Variants in HPSE observed in about 807,000 individuals in gnomAD.
HPSE encodes heparanase, also known as endo-glucoronidase.
Under a neutral mutation model 65.1 loss-of-function variants are expected in HPSE, and 48 were observed. The observed-to-expected ratio is 0.74, with a 90% confidence interval of 0.58 to 0.94. HPSE has a LOEUF of 0.94. Ranked by LOEUF, HPSE falls within the 40% of genes least tolerant of loss-of-function variation. The pLI is 0.00. For synonymous variants in HPSE, 243 were observed against 260.0 expected (o/e 0.93, Z 0.63); for missense variants, 644 against 637.5 (o/e 1.01, Z -0.11).
chr4:83,315,800 A>G (rs943044368), intron 3 of HPSE, among the ~76,000 whole-genome samples: 2 of 152,218 alleles, frequency 1.3e-5, no homozygotes, highest in African/African-American at 2.4e-5. Context: ...CCTTACAGCT[A>G]AATAGCACTT....
chr4:83,312,839 T>G, intron 4 of HPSE, among the ~76,000 whole-genome samples: 1 of 19,316 alleles, frequency 5.2e-5, no homozygotes, highest in African/African-American at 2.6e-4. Context: ...CTACTAAAAA[T>G]GCAAAAAAAA....
chr4:83,317,713 C>T (rs902341013), intron 3 of HPSE, among the ~76,000 whole-genome samples: 4 of 152,054 alleles, frequency 2.6e-5, no homozygotes, highest in Non-Finnish European at 4.4e-5. Flanking sequence ...TTTAATGCGA[C>T]CCCCCAAGAC....
At chr4:83,324,767 G>T (rs921455447) in intron 1 of HPSE, among the ~76,000 whole-genome samples, 2 of 152,154 alleles carry the variant, frequency 1.3e-5, no homozygotes, top group Admixed American at 1.3e-4. Flanking sequence ...GTAGGGAGGG[G>T]AAAACAGAGG....
At position 83,310,887 on chromosome 4, in the gene HPSE, G is replaced by A. The variant is rs144246695; in HGVS notation, c.677C>T (p.Pro226Leu). ...ATCAGCCTTCTTAAGGAAACTGTTA[G>A]GTTCTGAAAGACAGCAATTCTCAAA... ...YNISWELGNE[P>L]NSFLKKADIF... The change falls in exon 5 of 12, where the codon CCT becomes CTT. Residue 226 changes from proline to leucine, a missense_variant. Transcript: ENST00000311412. 1 of 1,607,734 alleles carries A rather than the reference G, an allele frequency of 6.2e-7. No individual in the cohort carries two copies. The highest frequency in any genetic ancestry group is 1.3e-5 in the African/African-American group (1 of 74,612).
intron 1 of HPSE, among the ~76,000 whole-genome samples, chr4:83,327,012 T>A (rs763765276): frequency 5.9e-5 from 9 of 152,208 alleles, no homozygotes; most frequent in Admixed American, 1.3e-4. Flanking sequence ...TTCATTTTCT[T>A]CATAGCATTC....
intron 10 of HPSE, among the ~76,000 whole-genome samples, chr4:83,301,375 A>G (rs1178263435): frequency 1.3e-5 from 2 of 152,122 alleles, no homozygotes; most frequent in African/African-American, 4.8e-5. Context: ...TGAGATCCTC[A>G]CAGCTCTGCC....
intron 2 of HPSE, among the ~76,000 whole-genome samples, chr4:83,321,057 G>A (rs1275861045): frequency 6.6e-6 from 1 of 152,116 alleles, no homozygotes; most frequent in Non-Finnish European, 1.5e-5. Context: ...AATTAGCTGG[G>A]TGTGGTGACA....
In HPSE at chr4:83,301,019, A is replaced by G; in HGVS notation, c.1413T>C (p.Ser471=). Residue 471 remains serine (S), a synonymous_variant, in exon 11 of 12, where the codon TCT becomes TCC. Coordinates refer to ENST00000311412, the MANE Select transcript of HPSE (RefSeq NM_001098540.3). ...GAAGGTATTTATCCACTTGCTTGTT[A>G]GAAAAAGGATAGGGTAACCGCAAGT... is the stretch of plus-strand genomic sequence containing the variant. The part of the protein sequence containing the change: ...TKYLRLPYPF[S]NKQVDKYLLR... 1.2e-6 allele frequency: 2 copies of G among 1,608,844 alleles called. No homozygotes were observed. Among genetic ancestry groups the G allele is most frequent in the African/African-American group, 1.3e-5 (1 of 74,762 alleles).
rs759986533 is a variant in HPSE at position 83,306,203 on chromosome 4, A to G, written c.1206T>C (p.Pro402=). The change falls in exon 9 of 12, where the codon CCT becomes CCC. Residue 402 remains proline (P), a splice_region_variant and synonymous_variant. Transcript: ENST00000311412. ...HLVDENFDPL[P]DYWLSLLFKK... ...AATTAGGAAAATAATGGTCACTTAC[A>G]GGTAAAGGATCGAAGTTTTCATCCA... 1 of 1,562,418 alleles carries G rather than the reference A, an allele frequency of 6.4e-7. No individual in the cohort carries two copies. The highest frequency in any genetic ancestry group is 1.7e-5 in the Admixed American group (1 of 59,924).
At chr4:83,314,654 T>G (rs994570605) in intron 3 of HPSE, among the ~76,000 whole-genome samples, 1 of 152,240 alleles carries the variant, frequency 6.6e-6, no homozygotes, top group African/African-American at 2.4e-5. Flanking sequence ...TTAAATTGAT[T>G]ATCATATGCA....
intron 11 of HPSE, among the ~76,000 whole-genome samples, chr4:83,296,654 G>A (rs115055404): frequency 0.01 from 1,549 of 147,926 alleles, 14 homozygotes; most frequent in Non-Finnish European, 0.017. Context: ...CAGCCTGGTA[G>A]AGCAAGATTC....
intron 1 of HPSE, among the ~76,000 whole-genome samples, chr4:83,328,643 TG>T (rs1187517360): frequency 2.0e-5 from 3 of 151,982 alleles, no homozygotes; most frequent in African/African-American, 7.3e-5. Context: ...GACACAATGA[TG>T]GTGCCATCAT....
At chr4:83,309,750 C>T (rs1346887772) in intron 6 of HPSE, among the ~76,000 whole-genome samples, 1 of 152,186 alleles carries the variant, frequency 6.6e-6, no homozygotes, top group Admixed American at 6.5e-5. Context: ...GTTACTGGTT[C>T]TTTGGCAAGC....
rs746161913 is a variant in HPSE, at chr4:83,322,281, A to C, written c.311T>G (p.Phe104Cys). Reference protein sequence around the residue: ...FGGTKTDFLIFDPKKESTFEE... With the variant: ...FGGTKTDFLICDPKKESTFEE... The stretch of plus-strand genomic sequence containing the variant: ...AAAGGTTGATTCCTTCTTGGGATCG[A>C]AAATTAGGAAGTCTGTCTTGGTGCC... Residue 104 changes from phenylalanine (F) to cysteine (C), a missense_variant, in exon 2 of 12, where the codon TTC (phenylalanine) becomes TGC (cysteine). Transcript: ENST00000311412. 5 of 1,613,996 alleles carry C rather than the reference A, an allele frequency of 3.1e-6. No homozygotes were observed. The South Asian group carries it at 5.5e-5, about 18-fold the overall frequency.
chr4:83,334,810 C>T lies in HPSE; in HGVS notation c.-28G>A. 1.3e-6 allele frequency: 2 copies of T among 1,486,720 alleles called. No individual in the cohort carries two copies. Among genetic ancestry groups the T allele is most frequent in the South Asian group, 2.7e-5 (2 of 74,876 alleles). 92.1% of individuals were successfully genotyped at this position (1,486,720 alleles called of 1,614,324 possible). A position where few individuals can be genotyped will look rare whatever the true frequency, so the allele number is the denominator to read the frequency against. On this transcript the variant is annotated 5_prime_UTR_variant, in exon 1 of 12. Transcript: ENST00000311412. ...TGGGCTCACCTGGCTGCTCCCCCCG[C>T]CAGCTGCCGCGCAGCGGAGAGTCGA...
At chr4:83,307,733 C>T (rs1044018534) in intron 8 of HPSE, among the ~76,000 whole-genome samples, 3 of 152,124 alleles carry the variant, frequency 2.0e-5, no homozygotes, top group African/African-American at 4.8e-5. Flanking sequence ...CATCTCCATT[C>T]TTTATTCCTC....
At chr4:83,315,170 A>C (rs1213615032) in intron 3 of HPSE, among the ~76,000 whole-genome samples, 1 of 151,196 alleles carries the variant, frequency 6.6e-6, no homozygotes, top group East Asian at 1.9e-4. Flanking sequence ...AAAAAAAAAA[A>C]AATTAACTAT....
rs2126200762 is a variant in HPSE at position 83,334,597 on chromosome 4, G to A, written c.186C>T (p.Asp62=). 1 of 1,593,206 alleles carries A rather than the reference G, an allele frequency of 6.3e-7. No individual in the cohort carries two copies. The highest frequency in any genetic ancestry group is 8.5e-7 in the Non-Finnish European group (1 of 1,170,006). The part of the protein sequence containing the change: ...VSPSFLSVTI[D]ANLATDPRFL... ...ACCGCGGGTCCGTGGCCAGGTTGGC[G>A]TCAATGGTGACGGACAGGAACGAGG... Residue 62 remains aspartate (D), a synonymous_variant, in exon 1 of 12, where the codon GAC becomes GAT. Coordinates refer to ENST00000311412, the MANE Select transcript of HPSE (RefSeq NM_001098540.3).
At chr4:83,322,789 TTGTGTG>T (rs386400677) in intron 1 of HPSE, among the ~76,000 whole-genome samples, 1,408 of 103,932 alleles carry the variant, frequency 0.014, 14 homozygotes, top group African/African-American at 0.038. Flanking sequence ...AAGAGCTTGT[TTGTGTG>T]TGTGTGTGTG....
Sources: gnomAD v4.1 joint callset for allele counts (sites outside exome capture counted in the v4.1 genomes callset) on GRCh38, gnomAD v4.1.1 for gene constraint, MANE v1.5 for transcripts, NCBI Gene and HGNC (gene_info 2026-07-23, HGNC 2026-07-21) for gene names.